The following TRHDE variants were observed in gnomAD, a reference collection of about 807,000 sequenced individuals.
TRHDE encodes the protein thyrotropin-releasing hormone-degrading ectoenzyme.
Under a neutral mutation model 125.7 loss-of-function variants are expected in TRHDE, and 72 were observed. The ratio of observed to expected loss-of-function variants is 0.57; its 90% CI spans 0.47 to 0.70. TRHDE has a LOEUF of 0.70. Among genes scored for constraint, TRHDE ranks in the 30% least tolerant of loss-of-function variants. The pLI is 0.00. For missense variants in TRHDE, 1,110 were observed against 1,327.1 expected (o/e 0.84, Z 2.54); for synonymous variants, 509 against 509.1 (o/e 1.00, Z 0.00).
At chr12:72,095,627 T>G (rs959282451) in intron 1 of TRHDE, among the ~76,000 whole-genome samples, 1 of 152,214 alleles carries the variant, frequency 6.6e-6, no homozygotes, top group African/African-American at 2.4e-5. Flanking sequence ...CTGCTTTCTG[T>G]TTCTTTCAGA....
chr12:72,508,505 GT>G (rs1476218411), intron 6 of TRHDE, among the ~76,000 whole-genome samples: 1 of 152,158 alleles, frequency 6.6e-6, no homozygotes, highest in Non-Finnish European at 1.5e-5. Flanking sequence ...TAGTCCCTTT[GT>G]TTCAGCCAAT....
At chr12:72,555,816 TTTG>T (rs1869894128) in intron 7 of TRHDE, among the ~76,000 whole-genome samples, 1 of 152,188 alleles carries the variant, frequency 6.6e-6, no homozygotes, top group Middle Eastern at 3.2e-3. Flanking sequence ...TTAGTCTACT[TTTG>T]TTGTTGTTTA....
chr12:72,513,282 G>A (rs1878688059), intron 6 of TRHDE, among the ~76,000 whole-genome samples: 1 of 152,094 alleles, frequency 6.6e-6, no homozygotes, highest in Non-Finnish European at 1.5e-5. Flanking sequence ...CAGAGTTTCA[G>A]CTTCAAACAG....
chr12:72,370,676 A>G (rs1871537425), intron 2 of TRHDE, among the ~76,000 whole-genome samples: 1 of 151,966 alleles, frequency 6.6e-6, no homozygotes, highest in Admixed American at 6.6e-5. Context: ...ATGTGAAACT[A>G]ATTTTATCAT....
chr12:72,433,817 T>C (rs1383092759), intron 3 of TRHDE, among the ~76,000 whole-genome samples: 2 of 151,416 alleles, frequency 1.3e-5, no homozygotes, highest in Non-Finnish European at 2.9e-5. Flanking sequence ...GGGGAATGGA[T>C]GTAGAAAGAA....
intron 2 of TRHDE, among the ~76,000 whole-genome samples, chr12:72,152,325 A>G (rs975795897): frequency 1.3e-5 from 2 of 151,790 alleles, no homozygotes; most frequent in African/African-American, 2.4e-5. Flanking sequence ...CTAGATATAC[A>G]ATCATGTCAT....
intron 2 of TRHDE, among the ~76,000 whole-genome samples, chr12:72,290,155 T>C (rs1296023759): frequency 1.3e-5 from 2 of 152,162 alleles, no homozygotes; most frequent in African/African-American, 4.8e-5. Flanking sequence ...GGAGATAGGA[T>C]TCAGTATGGC....
intron 10 of TRHDE, 106 bp from the exon 11 acceptor site, chr12:72,575,149 A>G (rs1870931077): frequency 3.8e-6 from 4 of 1,048,670 alleles, no homozygotes; most frequent in Non-Finnish European, 5.5e-6. Context: ...ATTTAAGATG[A>G]CATTCACTTA....
chr12:72,639,071 G>A (rs1316704618), intron 15 of TRHDE, among the ~76,000 whole-genome samples: 1 of 148,502 alleles, frequency 6.7e-6, no homozygotes, highest in Non-Finnish European at 1.5e-5. Flanking sequence ...GATTGGGGAA[G>A]TTCTCCTGGA....
chr12:72,374,292 AG>A (rs1871767845), intron 2 of TRHDE, among the ~76,000 whole-genome samples: 3 of 134,018 alleles, frequency 2.2e-5, no homozygotes, highest in African/African-American at 8.8e-5. Flanking sequence ...TAGAAGGAGA[AG>A]TGTGTGTGTG....
At chr12:72,380,766 GCTTCCTTCCTTCCTTCCTTCCTTC>G (rs3085951) in intron 3 of TRHDE, among the ~76,000 whole-genome samples, 10 of 71,006 alleles carry the variant, frequency 1.4e-4, no homozygotes, top group Non-Finnish European at 2.0e-4. Context: ...TTCCTTCCTT[GCTTCCTTCCTTCCTTCCTTCCTTC>G]CTTCCTTCCT....
chr12:72,563,281 G>A (rs556450830), intron 9 of TRHDE, among the ~76,000 whole-genome samples: 7 of 152,106 alleles, frequency 4.6e-5, no homozygotes, highest in Admixed American at 3.3e-4. Context: ...AAATAATCAT[G>A]GTGGTTAAAA....
intron 2 of TRHDE, among the ~76,000 whole-genome samples, chr12:72,367,840 T>G (rs758047874): frequency 6.6e-6 from 1 of 152,200 alleles, no homozygotes; most frequent in South Asian, 2.1e-4. Flanking sequence ...ATTTTAAAGC[T>G]GTGAAATAAT....
intron 3 of TRHDE, among the ~76,000 whole-genome samples, chr12:72,390,432 A>G (rs376453512): frequency 2.0e-4 from 30 of 152,238 alleles, no homozygotes; most frequent in African/African-American, 7.0e-4. Context: ...CAATCAGCCA[A>G]TTTAAAAAAA....
chr12:72,374,292 A>AGTGTGT (rs148577049), intron 2 of TRHDE, among the ~76,000 whole-genome samples: 7,032 of 133,994 alleles, frequency 0.052, 287 homozygotes, highest in East Asian at 0.24. Context: ...TAGAAGGAGA[A>AGTGTGT]GTGTGTGTGT....
intron 2 of TRHDE, among the ~76,000 whole-genome samples, chr12:72,233,942 T>A (rs532753113): frequency 6.6e-6 from 1 of 152,308 alleles, no homozygotes; most frequent in East Asian, 1.9e-4. Flanking sequence ...AAGAAATGAA[T>A]AATATCCCAA....
chr12:72,593,904 C>CAAAGGACATGAACT (rs1871807644), intron 12 of TRHDE, among the ~76,000 whole-genome samples: 1 of 152,144 alleles, frequency 6.6e-6, no homozygotes, highest in African/African-American at 2.4e-5. Flanking sequence ...TTTTCTTAAT[C>CAAAGGACATGAACT]CAGTCTATCA....
At chr12:72,219,144 T>C (rs1468806874) in intron 2 of TRHDE, among the ~76,000 whole-genome samples, 1 of 150,894 alleles carries the variant, frequency 6.6e-6, no homozygotes, top group Non-Finnish European at 1.5e-5. Flanking sequence ...TGGCAATTAT[T>C]TTAAAATGTT....
At chr12:72,187,464 T>TTGTG (rs2139346269) in intron 2 of TRHDE, among the ~76,000 whole-genome samples, 2 of 135,254 alleles carry the variant, frequency 1.5e-5, no homozygotes, top group South Asian at 2.8e-4. Context: ...GTGGTGGTGG[T>TTGTG]GGTGGTTGTG....
Sources: gnomAD v4.1 joint callset for allele counts (sites outside exome capture counted in the v4.1 genomes callset) on GRCh38, gnomAD v4.1.1 for gene constraint, MANE v1.5 for transcripts, NCBI Gene and HGNC (gene_info 2026-07-23, HGNC 2026-07-21) for gene names.